DUOXA1: variants seen among roughly 807,000 people sequenced by gnomAD.
DUOXA1 encodes the protein dual oxidase activator 1.
Under a neutral mutation model 26.6 loss-of-function variants are expected in DUOXA1, and 19 were observed. The ratio of observed to expected loss-of-function variants is 0.71; its 90% CI spans 0.50 to 1.05. DUOXA1 has a LOEUF of 1.05. Ranked by LOEUF, DUOXA1 falls within the 50% of genes least tolerant of loss-of-function variation. DUOXA1 has a pLI of 0.00. For missense variants in DUOXA1, 403 were observed against 427.5 expected (o/e 0.94, Z 0.51); for synonymous variants, 166 against 177.0 (o/e 0.94, Z 0.49).
At chr15:45,125,701 T>G (rs1483936236) in intron 3 of DUOXA1, among the ~76,000 whole-genome samples, 1 of 152,192 alleles carries the variant, frequency 6.6e-6, no homozygotes, top group Non-Finnish European at 1.5e-5. Context: ...CACACCATGT[T>G]CTCCAGGGGC....
intron 7 of DUOXA1, 23 bp downstream of exon 7, chr15:45,120,569 C>T (rs1184939805): frequency 6.2e-7 from 1 of 1,612,732 alleles, no homozygotes; most frequent in Non-Finnish European, 8.5e-7. Flanking sequence ...AGGGCCTCCA[C>T]CCCGTCTCCT....
At position 45,118,800 on chromosome 15, in the gene DUOXA1, G is replaced by C; in HGVS notation, c.*306C>G. On this transcript the variant is annotated 3_prime_UTR_variant, in exon 9 of 9. Transcript: ENST00000560572. ...GGGTGAAGTTAGGTTTCAGTGAATAGCATCTTGAAGAGGCAAGGCAGCACG... is the reference window on the plus strand; with the variant it reads ...GGGTGAAGTTAGGTTTCAGTGAATACCATCTTGAAGAGGCAAGGCAGCACG... 9.1e-7 allele frequency: 1 copy of C among 1,093,206 alleles called. No individual in the cohort carries two copies. Among genetic ancestry groups the C allele is most frequent in the Non-Finnish European group, 1.1e-6 (1 of 899,794 alleles). 67.7% of individuals were successfully genotyped at this position (1,093,206 alleles called of 1,614,324 possible).
Position 45,118,678 on chromosome 15 carries a change from C to T in DUOXA1, c.*428G>A. ...ACAAGCTGGAGAAGTAAAGGAAGAA[C>T]AAAAGGAACCCAGGAAAAAGGAAAA... On this transcript the variant is annotated 3_prime_UTR_variant, in exon 9 of 9. Transcript: ENST00000560572. 1 of 993,152 alleles carries T rather than the reference C, an allele frequency of 1.0e-6. No homozygotes were observed. The highest frequency in any genetic ancestry group is 1.2e-6 in the Non-Finnish European group (1 of 835,720). The allele number at this position is 993,152 out of a possible 1,614,324, so 61.5% of individuals were successfully genotyped here. A position where few individuals can be genotyped will look rare whatever the true frequency, so the allele number is the denominator to read the frequency against.
rs1434504740 is a variant in DUOXA1 at position 45,120,894 on chromosome 15, G to A, written c.341-89C>T. On this transcript the variant is annotated intron_variant, in intron 6 of 8. Transcript: ENST00000560572. ...CTCACCCACACTGGGCAGAGGGACAGGAAGTGGTCTCAACTGAGAGAAGGT... is the reference window on the plus strand; with the variant it reads ...CTCACCCACACTGGGCAGAGGGACAAGAAGTGGTCTCAACTGAGAGAAGGT... 15 of 1,521,038 alleles carry A rather than the reference G, an allele frequency of 9.9e-6. No individual in the cohort carries two copies. In the African/African-American group the frequency reaches 1.2e-4, roughly 13 times the overall value. 94.2% of individuals were successfully genotyped at this position (1,521,038 alleles called of 1,614,324 possible).
chr15:45,117,793 G>A lies in DUOXA1; in HGVS notation c.*1313C>T, dbSNP rs772697087. ...GCCCAGCGCTCTTCGCACCCTTCTG[G>A]ACCAAAGCGCCAAGGACTGCAGCCA... is the stretch of plus-strand genomic sequence containing the variant. On this transcript the variant is annotated 3_prime_UTR_variant, in exon 9 of 9. Coordinates refer to ENST00000560572, the MANE Select transcript of DUOXA1 (RefSeq NM_001276266.2). 7.4e-6 allele frequency: 12 copies of A among 1,613,972 alleles called. No homozygotes were observed. The highest frequency in any genetic ancestry group is 3.3e-4 in the Middle Eastern group (2 of 6,062).
intron 5 of DUOXA1, 84 bp downstream of exon 5, chr15:45,122,101 G>T (rs1895262965): frequency 6.8e-7 from 1 of 1,469,040 alleles, no homozygotes; most frequent in African/African-American, 1.4e-5. Flanking sequence ...ACCGCTGTGG[G>T]GAAACAAGGA....
chr15:45,119,866 T>G, intron 8 of DUOXA1, among the ~76,000 whole-genome samples: 1 of 145,300 alleles, frequency 6.9e-6, no homozygotes, highest in South Asian at 2.2e-4. Flanking sequence ...TGAAGAGAGT[T>G]AGGGGATGAC....
chr15:45,129,879 C>T lies in DUOXA1; in HGVS notation c.-330G>A, dbSNP rs1348009829. On this transcript the variant is annotated 5_prime_UTR_variant, in exon 1 of 9. It adds an upstream start codon to the 5' untranslated region. Transcript: ENST00000560572. This position sits in a 1 kb window ranked among gnomAD's most constrained non-coding sequence, Gnocchi z 4.1. Reference sequence around the variant, plus strand: ...CGCGCGCTGCCGTCCGCTGGAAGCACCTCCGCGCCTCCCCAGGCGCCAGAC... The same window carrying T: ...CGCGCGCTGCCGTCCGCTGGAAGCATCTCCGCGCCTCCCCAGGCGCCAGAC... The T allele has an allele frequency of 1.3e-5, 2 of 152,354 alleles. No homozygotes were observed. The highest frequency in any genetic ancestry group is 4.8e-5 in the African/African-American group (2 of 41,448). 9.4% of individuals were successfully genotyped at this position (152,354 alleles called of 1,614,324 possible). A position where few individuals can be genotyped will look rare whatever the true frequency, so the allele number is the denominator to read the frequency against.
intron 3 of DUOXA1, among the ~76,000 whole-genome samples, chr15:45,126,547 C>A (rs537425957): frequency 6.6e-6 from 1 of 152,220 alleles, no homozygotes; most frequent in Non-Finnish European, 1.5e-5. Flanking sequence ...TTGAACATAC[C>A]TTCATGATAA....
intron 5 of DUOXA1, among the ~76,000 whole-genome samples, chr15:45,121,969 A>G (rs1172202732): frequency 1.3e-5 from 2 of 152,194 alleles, no homozygotes; most frequent in African/African-American, 4.8e-5. Flanking sequence ...AAGGTTGAGG[A>G]GATGCATCCA....
Position 45,120,340 on chromosome 15 carries a change from T to C in DUOXA1, c.555-20A>G. The C allele has an allele frequency of 1.9e-6, 3 of 1,613,624 alleles. No homozygotes were observed. Among genetic ancestry groups the C allele is most frequent in the Non-Finnish European group, 2.5e-6 (3 of 1,179,864 alleles). ...GCCACCCTGGAGAGCCAGGACCCAGTGAGGACTGGCCCAGGTACTTCTACC... is the reference window on the plus strand; with the variant it reads ...GCCACCCTGGAGAGCCAGGACCCAGCGAGGACTGGCCCAGGTACTTCTACC... On this transcript the variant is annotated intron_variant, in intron 7 of 8. Coordinates refer to ENST00000560572, the MANE Select transcript of DUOXA1 (RefSeq NM_001276266.2).
chr15:45,118,112 T>G lies in DUOXA1; in HGVS notation c.*994A>C, dbSNP rs773381205. 1 of 1,474,874 alleles carries G rather than the reference T, an allele frequency of 6.8e-7. No homozygotes were observed. Among genetic ancestry groups the G allele is most frequent in the South Asian group, 1.4e-5 (1 of 72,206 alleles). 91.4% of individuals were successfully genotyped at this position (1,474,874 alleles called of 1,614,324 possible). On this transcript the variant is annotated 3_prime_UTR_variant, in exon 9 of 9. Coordinates refer to ENST00000560572, the MANE Select transcript of DUOXA1 (RefSeq NM_001276266.2). ...TTTCTTTTGTTTTTTAAAAACTGTTTTTCCCATTAATTTTCATGGCTTCTC... is the reference window on the plus strand; with the variant it reads ...TTTCTTTTGTTTTTTAAAAACTGTTGTTCCCATTAATTTTCATGGCTTCTC...
Position 45,117,927 on chromosome 15 carries a change from C to T in DUOXA1, c.*1179G>A, listed in dbSNP as rs554163556. On this transcript the variant is annotated 3_prime_UTR_variant, in exon 9 of 9. Coordinates refer to ENST00000560572, the MANE Select transcript of DUOXA1 (RefSeq NM_001276266.2). ...ACCTGTGAGGGGGACCCAATCTGGA[C>T]TCCTTCCCCGCCTTGGGACATCGCA... 23 of 1,613,116 alleles carry T rather than the reference C, an allele frequency of 1.4e-5. No homozygotes were observed. The highest frequency in any genetic ancestry group is 1.9e-5 in the Non-Finnish European group (22 of 1,180,018).
Position 45,120,635 on chromosome 15 carries a change from G to A in DUOXA1, c.511C>T (p.Arg171Cys), listed in dbSNP as rs760939470. ...TAGTGTCCCGCCAGGCGGTACTGGC[G>A]GTATAGGCCACATGGGCTTCTTGGA... Reference protein sequence around the residue: ...FTPRSPCGLYRQYRLAGHYTS... With the variant: ...FTPRSPCGLYCQYRLAGHYTS... Residue 171 changes from arginine (R) to cysteine (C), a missense_variant, in exon 7 of 9, where the codon CGC (arginine) becomes TGC (cysteine). Physicochemically the swap from Arg to Cys is radical, Grantham distance 180. Coordinates refer to ENST00000560572, the MANE Select transcript of DUOXA1 (RefSeq NM_001276266.2). 28 of 1,613,986 alleles carry A rather than the reference G, an allele frequency of 1.7e-5. No homozygotes were observed. The highest frequency in any genetic ancestry group is 2.2e-5 in the East Asian group (1 of 44,892).
At position 45,120,213 on chromosome 15, in the gene DUOXA1, A is replaced by T. The variant is rs200164792; in HGVS notation, c.662T>A (p.Leu221Gln). 1.2e-6 allele frequency: 2 copies of T among 1,614,152 alleles called. No homozygotes were observed. Among genetic ancestry groups the T allele is most frequent in the Admixed American group, 3.3e-5 (2 of 60,024 alleles). ...TGATGTGGCCATGGAGAAGAAGAGC[A>T]GAGCCAACAGCTGGAAGATGCCCGT... The part of the protein sequence containing the change: ...LATGIFQLLA[L>Q]LFFSMATSLT... The change falls in exon 8 of 9, where the codon CTG (leucine) becomes CAG (glutamine). Residue 221 changes from leucine to glutamine, a missense_variant. Coordinates refer to ENST00000560572, the MANE Select transcript of DUOXA1 (RefSeq NM_001276266.2).
At chr15:45,119,528 T>TGG (rs1442543722) in intron 8 of DUOXA1, among the ~76,000 whole-genome samples, 163 bp from the exon 9 acceptor site, 3 of 152,076 alleles carry the variant, frequency 2.0e-5, no homozygotes, top group Non-Finnish European at 4.4e-5. Flanking sequence ...GTGGCTGGTG[T>TGG]GGCTCTGTTG....
At chr15:45,119,487 G>C in intron 8 of DUOXA1, 122 bp from the exon 9 acceptor site, 1 of 1,432,406 alleles carries the variant, frequency 7.0e-7, no homozygotes. Flanking sequence ...AGGGCAACTT[G>C]GGCTCAGAGA....
In DUOXA1 at chr15:45,122,172, A is replaced by G. The variant is rs1160498011; in HGVS notation, c.205+13T>C. 2.5e-6 allele frequency: 4 copies of G among 1,593,354 alleles called. No homozygotes were observed. The highest frequency in any genetic ancestry group is 1.3e-5 in the African/African-American group (1 of 74,686). On this transcript the variant is annotated intron_variant, in intron 5 of 8. Transcript: ENST00000560572. ...GGAGGCAGCAGCCCAAGTCAGCTGC[A>G]CTTCGCACTCACCCAGGATTGCAGC...
At chr15:45,128,973 G>C (rs1233273218) in intron 3 of DUOXA1, 45 bp downstream of exon 3, 1 of 152,212 alleles carries the variant, frequency 6.6e-6, no homozygotes, top group Non-Finnish European at 1.5e-5. Context: ...ACAGATCTAA[G>C]CAGCCGCATC....
Sources: gnomAD v4.1 joint callset for allele counts (sites outside exome capture counted in the v4.1 genomes callset) on GRCh38, gnomAD v4.1.1 for gene constraint, Gnocchi (gnomAD v3.1) non-coding constraint, MANE v1.5 for transcripts, NCBI Gene and HGNC (gene_info 2026-07-23, HGNC 2026-07-21) for gene names.